The following MYLK variants were observed in gnomAD, a reference collection of about 807,000 sequenced individuals.
The protein encoded by MYLK is myosin light chain kinase, also known as myosin light chain kinase, smooth muscle.
A neutral mutation model predicts 203.4 loss-of-function variants in MYLK; 106 were observed. The ratio of observed to expected loss-of-function variants is 0.52; its 90% CI spans 0.45 to 0.61. The LOEUF (loss-of-function observed/expected upper bound fraction) is 0.61, where lower values mean the gene tolerates loss of function less well. Among genes scored for constraint, MYLK ranks in the 20% least tolerant of loss-of-function variants. The pLI is 0.00. For missense variants in MYLK, 2,072 were observed against 2,442.3 expected (o/e 0.85, Z 3.20); for synonymous variants, 867 against 959.5 (o/e 0.90, Z 1.78).
intron 1 of MYLK, among the ~76,000 whole-genome samples, chr3:123,877,043 T>C (rs1438525888): frequency 6.6e-6 from 1 of 152,122 alleles, no homozygotes; most frequent in East Asian, 1.9e-4. Flanking sequence ...TATCTGACAG[T>C]TATTAGGAAC....
chr3:123,843,658 A>G (rs2066645942), intron 2 of MYLK, among the ~76,000 whole-genome samples: 1 of 152,142 alleles, frequency 6.6e-6, no homozygotes. Context: ...ATCCCTTTCC[A>G]AAGGCCGTAT....
In MYLK at chr3:123,733,752, T is replaced by C. The variant is rs1226235946; in HGVS notation, c.1244A>G (p.Lys415Arg). 1.2e-6 allele frequency: 2 copies of C among 1,614,196 alleles called. No homozygotes were observed. The highest frequency in any genetic ancestry group is 1.7e-6 in the Non-Finnish European group (2 of 1,180,044). Reference sequence around the variant, plus strand: ...CTGGCTTTGGGGCTTGCTCTCAAATTTGGGGAATGCTGAATCCCTCTGGCC... The same window carrying C: ...CTGGCTTTGGGGCTTGCTCTCAAATCTGGGGAATGCTGAATCCCTCTGGCC... ...MEGQRDSAFP[K>R]FESKPQSQEV... The change falls in exon 10 of 34, where the codon AAA becomes AGA. Residue 415 changes from lysine to arginine, a missense_variant. Physicochemically the swap from Lys to Arg is conservative, Grantham distance 26. Coordinates refer to ENST00000360304, the MANE Select transcript of MYLK (RefSeq NM_053025.4).
chr3:123,763,303 C>T (rs1310822766), intron 4 of MYLK, among the ~76,000 whole-genome samples: 3 of 152,114 alleles, frequency 2.0e-5, no homozygotes, highest in African/African-American at 7.2e-5. Context: ...ATAACCCTCC[C>T]GGAACATTTT....
intron 2 of MYLK, among the ~76,000 whole-genome samples, chr3:123,847,744 T>G (rs2030208649): frequency 6.6e-6 from 1 of 152,150 alleles, no homozygotes; most frequent in Non-Finnish European, 1.5e-5. Context: ...CTTCTATTCC[T>G]TTCACAAACT....
At chr3:123,647,525 ACCT>A (rs1211479326) in intron 26 of MYLK, 98 bp from the exon 27 acceptor site, 1 of 1,008,416 alleles carries the variant, frequency 9.9e-7, no homozygotes, top group Non-Finnish European at 1.5e-6. Flanking sequence ...GATCTGGCCC[ACCT>A]CCTTTTATAA....
intron 19 of MYLK, among the ~76,000 whole-genome samples, chr3:123,684,526 G>A (rs980161808): frequency 1.3e-5 from 2 of 152,016 alleles, no homozygotes; most frequent in African/African-American, 4.8e-5. Context: ...AAAGAAAGGT[G>A]TACCCAGTAA....
intron 24 of MYLK, among the ~76,000 whole-genome samples, chr3:123,650,737 A>G (rs145569126): frequency 8.5e-5 from 13 of 152,240 alleles, no homozygotes; most frequent in African/African-American, 3.1e-4. Flanking sequence ...CACATGTTGG[A>G]GAGTTAAGAG....
intron 24 of MYLK, among the ~76,000 whole-genome samples, chr3:123,655,224 C>T (rs577022692): frequency 6.6e-6 from 1 of 152,248 alleles, no homozygotes; most frequent in African/African-American, 2.4e-5. Flanking sequence ...GTCCTCATCT[C>T]CTTCATTTTT....
chr3:123,877,110 C>A (rs1406200696), intron 1 of MYLK, among the ~76,000 whole-genome samples: 1 of 152,138 alleles, frequency 6.6e-6, no homozygotes, highest in African/African-American at 2.4e-5. Context: ...ATCAAACAGA[C>A]AAGTGAAGAA....
chr3:123,738,860 C>T, intron 7 of MYLK, 37 bp downstream of exon 7: 1 of 1,588,146 alleles, frequency 6.3e-7, no homozygotes, highest in Non-Finnish European at 8.6e-7. Flanking sequence ...CAGACTAATA[C>T]AGGCTGGATC....
chr3:123,669,458 T>C (rs570728867), intron 20 of MYLK, among the ~76,000 whole-genome samples: 8 of 151,938 alleles, frequency 5.3e-5, no homozygotes, highest in Non-Finnish European at 1.2e-4. Context: ...AAAGGACATT[T>C]ATAGGATAAC....
intron 19 of MYLK, among the ~76,000 whole-genome samples, chr3:123,684,860 G>A (rs1242528884): frequency 1.3e-5 from 2 of 152,232 alleles, no homozygotes; most frequent in Non-Finnish European, 2.9e-5. Context: ...GGAGTACAGG[G>A]CAGACTATGT....
chr3:123,878,436 C>A (rs2148724422), intron 1 of MYLK, among the ~76,000 whole-genome samples: 3 of 152,288 alleles, frequency 2.0e-5, no homozygotes, highest in Middle Eastern at 3.4e-3. Context: ...CACTCGGTAT[C>A]CAGGGGCCCT....
At chr3:123,720,944 G>C (rs2086987624) in intron 13 of MYLK, among the ~76,000 whole-genome samples, 1 of 152,214 alleles carries the variant, frequency 6.6e-6, no homozygotes, top group African/African-American at 2.4e-5. Context: ...GCACAGACTT[G>C]AAAGTCACAG....
intron 2 of MYLK, among the ~76,000 whole-genome samples, chr3:123,850,155 T>A (rs2148664773): frequency 6.6e-6 from 1 of 152,346 alleles, no homozygotes; most frequent in Admixed American, 6.5e-5. Flanking sequence ...GTTGGACATT[T>A]GGGTTGGTTC....
intron 3 of MYLK, among the ~76,000 whole-genome samples, chr3:123,804,936 G>A (rs541142015): frequency 1.4e-4 from 21 of 152,170 alleles, no homozygotes; most frequent in Non-Finnish European, 2.2e-4. Context: ...CAGGTCTTCC[G>A]CTTGGAAGAG....
intron 1 of MYLK, among the ~76,000 whole-genome samples, chr3:123,878,185 CT>C (rs2033280987): frequency 6.6e-6 from 1 of 152,194 alleles, no homozygotes; most frequent in African/African-American, 2.4e-5. Context: ...GGACACTACC[CT>C]TACGACCACA....
chr3:123,767,363 T>G (rs1179235142), intron 4 of MYLK, among the ~76,000 whole-genome samples: 1 of 152,152 alleles, frequency 6.6e-6, no homozygotes, highest in Non-Finnish European at 1.5e-5. Context: ...TTCCAGCACT[T>G]TGGGAGGCCG....
Position 123,640,366 on chromosome 3 carries a change from G to C in MYLK, c.4758C>G (p.Leu1586=), listed in dbSNP as rs1195765217. ...IHKQGIVHLD[L]KPENIMCVNK... ...TGACACACATGATGTTCTCCGGCTT[G>C]AGGTCCAGGTGCACGATGCCCTGCT... Residue 1586 remains leucine, a synonymous_variant, in exon 28 of 34, where the codon CTC becomes CTG. Coordinates refer to ENST00000360304, the MANE Select transcript of MYLK (RefSeq NM_053025.4). This position sits in a 1 kb window ranked among gnomAD's most constrained non-coding sequence, Gnocchi z 4.3. 1 of 1,613,966 alleles carries C rather than the reference G, an allele frequency of 6.2e-7. No individual in the cohort carries two copies. The highest frequency in any genetic ancestry group is 8.5e-7 in the Non-Finnish European group (1 of 1,180,002).
Sources: allele counts gnomAD v4.1 joint callset (sites outside exome capture counted in the v4.1 genomes callset), GRCh38; gene constraint gnomAD v4.1.1; non-coding constraint Gnocchi (gnomAD v3.1); transcripts MANE v1.5; gene names NCBI Gene and HGNC (gene_info 2026-07-23, HGNC 2026-07-21).